Variants in SMG6 observed in about 807,000 individuals in gnomAD.
SMG6 encodes SMG6 nonsense mediated mRNA decay factor.
SMG6 carries 66 observed loss-of-function variants against 142.2 expected under a neutral mutation model. That is an observed-to-expected ratio of 0.46 (90% confidence interval 0.38 to 0.57). The LOEUF (loss-of-function observed/expected upper bound fraction) is 0.57, where lower values mean the gene tolerates loss of function less well. Ranked by LOEUF, SMG6 falls within the 20% of genes least tolerant of loss-of-function variation. The probability of loss-of-function intolerance (pLI) is 0.00; values close to 1 mark genes in which losing one functional copy is unlikely to be tolerated. For missense variants in SMG6, 1,793 were observed against 1,832.0 expected (o/e 0.98, Z 0.39); for synonymous variants, 779 against 702.4 (o/e 1.11, Z -1.72).
Position 2,207,000 on chromosome 17 carries a change from G to A in SMG6, c.2870-18485C>T, listed in dbSNP as rs151077741. On this transcript the variant is annotated intron_variant, in intron 10 of 18. Coordinates refer to ENST00000263073, the MANE Select transcript of SMG6 (RefSeq NM_017575.5). ...ATTAAAATAACAATAGGTCAGGCAC[G>A]GTGGCTCATGCCTATAATCCCAGCA... Among the ~76,000 whole-genome samples, 251 of 150,812 alleles carry A rather than the reference G, an allele frequency of 1.7e-3. 1 individual carries two copies. Among genetic ancestry groups the A allele is most frequent in the African/African-American group, 5.6e-3 (231 of 41,002 alleles).
At chr17:2,106,391 G>GTC (rs35223455) in intron 13 of SMG6, among the ~76,000 whole-genome samples, 1 of 152,110 alleles carries the variant, frequency 6.6e-6, no homozygotes, top group Non-Finnish European at 1.5e-5. Flanking sequence ...AGGGAGGGGG[G>GTC]TCTCTCAAGG....
intron 12 of SMG6, among the ~76,000 whole-genome samples, chr17:2,185,431 A>G (rs1276156330): frequency 6.6e-6 from 1 of 152,186 alleles, no homozygotes; most frequent in Admixed American, 6.5e-5. Flanking sequence ...CACTCTGTAA[A>G]TGTAATTTAT....
chr17:2,137,935 A>C (rs1014583362), intron 13 of SMG6, among the ~76,000 whole-genome samples: 1 of 152,174 alleles, frequency 6.6e-6, no homozygotes, highest in Non-Finnish European at 1.5e-5. Flanking sequence ...TTCCTCACAC[A>C]GCCCTCATAA....
At position 2,085,880 on chromosome 17, in the gene SMG6, T is replaced by A; in HGVS notation, c.3379A>T (p.Arg1127Trp). ...SDKVIAADCK[R>W]VTVLKYFLEA... ...AGAAAATACTTCAGCACTGTGACCC[T>A]TTTGCAGTCAGCTGCAATAACCTAC... The change falls in exon 14 of 19, where the codon AGG becomes TGG. Residue 1127 changes from arginine to tryptophan, a missense_variant. Transcript: ENST00000263073. The surrounding 1 kb of genome is among the most constrained non-coding windows in gnomAD (Gnocchi z 4.1). The A allele has an allele frequency of 6.2e-7, 1 of 1,613,976 alleles. No individual in the cohort carries two copies. Among genetic ancestry groups the A allele is most frequent in the East Asian group, 2.2e-5 (1 of 44,876 alleles).
At chr17:2,128,168 C>T (rs2069964767) in intron 13 of SMG6, among the ~76,000 whole-genome samples, 1 of 152,228 alleles carries the variant, frequency 6.6e-6, no homozygotes, top group Non-Finnish European at 1.5e-5. Context: ...ACAGGCACAT[C>T]CACGCGCCGC....
intron 8 of SMG6, among the ~76,000 whole-genome samples, chr17:2,278,915 C>T (rs2074720280): frequency 6.6e-6 from 1 of 152,132 alleles, no homozygotes; most frequent in South Asian, 2.1e-4. Flanking sequence ...CCTCATCCCT[C>T]GCTGCCCTTC....
intron 18 of SMG6, 142 bp downstream of exon 18, chr17:2,064,931 C>A: frequency 1.6e-6 from 1 of 641,420 alleles, no homozygotes; most frequent in South Asian, 2.1e-5. Flanking sequence ...GAGGTTGGGC[C>A]TCAGGCATAC....
intron 13 of SMG6, among the ~76,000 whole-genome samples, chr17:2,128,131 CA>C (rs1420268343): frequency 2.0e-5 from 3 of 152,208 alleles, no homozygotes; most frequent in Non-Finnish European, 4.4e-5. Flanking sequence ...GCGCTGGCAG[CA>C]GCAGCGATGC....
In SMG6 at chr17:2,300,251, C is replaced by T. The variant is rs755811466; in HGVS notation, c.502G>A (p.Val168Ile). ...ESASRVEEEE[V>I]LNQVEQLRVE... ...CTCAGTTGTTCTACCTGGTTGAGGA[C>T]TTCTTCCTCCTCCACCCGACTGGCG... The change falls in exon 2 of 19, where the codon GTC (valine) becomes ATC (isoleucine). Residue 168 changes from valine to isoleucine, a missense_variant. Physicochemically the swap from Val to Ile is conservative, Grantham distance 29. Transcript: ENST00000263073. 1.9e-6 allele frequency: 3 copies of T among 1,614,084 alleles called. No homozygotes were observed. The highest frequency in any genetic ancestry group is 2.5e-6 in the Non-Finnish European group (3 of 1,180,056).
At chr17:2,272,458 T>A (rs1377154946) in intron 8 of SMG6, among the ~76,000 whole-genome samples, 1 of 152,172 alleles carries the variant, frequency 6.6e-6, no homozygotes, top group Non-Finnish European at 1.5e-5. Flanking sequence ...TTCATGGATT[T>A]TGCATTGTGA....
chr17:2,187,711 T>C (rs542202386), intron 11 of SMG6, among the ~76,000 whole-genome samples: 1 of 151,936 alleles, frequency 6.6e-6, no homozygotes, highest in East Asian at 1.9e-4. Context: ...AATATGAAGT[T>C]ACTTCAAAAT....
rs1050885398 is a variant in SMG6, at chr17:2,127,574, C to T, written c.3358-41673G>A. The T allele has an allele frequency of 2.4e-4, 138 of 587,216 alleles. 1 individual carries two copies. Among genetic ancestry groups the T allele is most frequent in the Non-Finnish European group, 6.4e-5 (19 of 296,266 alleles). 36.4% of individuals were successfully genotyped at this position (587,216 alleles called of 1,614,324 possible). A position where few individuals can be genotyped will look rare whatever the true frequency, so the allele number is the denominator to read the frequency against. On this transcript the variant is annotated intron_variant, in intron 13 of 18. Coordinates refer to ENST00000263073, the MANE Select transcript of SMG6 (RefSeq NM_017575.5). ...TCTATCTTCCTATCTCTCTGGGTGA[C>T]GGCCCAATCTTGCTGGGCATGCAAT...
intron 13 of SMG6, among the ~76,000 whole-genome samples, chr17:2,161,565 G>A (rs894922814): frequency 6.6e-6 from 1 of 151,862 alleles, no homozygotes; most frequent in Non-Finnish European, 1.5e-5. Flanking sequence ...CCAAAGTTTG[G>A]AGTCCAGGAC....
At chr17:2,147,954 C>A (rs2151591047) in intron 13 of SMG6, among the ~76,000 whole-genome samples, 1 of 152,206 alleles carries the variant, frequency 6.6e-6, no homozygotes, top group East Asian at 1.9e-4. Context: ...GTGCTTTGGG[C>A]CGAGGTGGGT....
intron 12 of SMG6, among the ~76,000 whole-genome samples, chr17:2,174,106 G>C (rs1166469288): frequency 6.6e-6 from 1 of 152,188 alleles, no homozygotes; most frequent in Non-Finnish European, 1.5e-5. Context: ...AGAGCTGTAA[G>C]AATCATCCTG....
At chr17:2,170,369 C>T (rs57816277) in intron 13 of SMG6, among the ~76,000 whole-genome samples, 6,024 of 152,262 alleles carry the variant, frequency 0.04, 151 homozygotes, top group African/African-American at 0.07. Flanking sequence ...CTCGTTAGGA[C>T]TCTTCTACTC....
chr17:2,278,156 G>C (rs746070328), intron 8 of SMG6, among the ~76,000 whole-genome samples: 7 of 151,914 alleles, frequency 4.6e-5, no homozygotes, highest in Admixed American at 2.6e-4. Flanking sequence ...TCAGTTAATA[G>C]TGATGTCTCC....
chr17:2,165,823 T>C (rs2071320707), intron 13 of SMG6, among the ~76,000 whole-genome samples: 1 of 152,134 alleles, frequency 6.6e-6, no homozygotes, highest in Non-Finnish European at 1.5e-5. Flanking sequence ...GAGGATCGCT[T>C]TAACCCAGGA....
intron 10 of SMG6, among the ~76,000 whole-genome samples, chr17:2,225,681 T>G (rs2073295284): frequency 6.6e-6 from 1 of 152,198 alleles, no homozygotes; most frequent in South Asian, 2.1e-4. Context: ...AATTTTAAGT[T>G]TTTCTGTGGT....
Sources: allele counts gnomAD v4.1 joint callset (sites outside exome capture counted in the v4.1 genomes callset), GRCh38; gene constraint gnomAD v4.1.1; non-coding constraint Gnocchi (gnomAD v3.1); transcripts MANE v1.5; gene names NCBI Gene and HGNC (gene_info 2026-07-23, HGNC 2026-07-21).